The following EPHX4 variants were observed in gnomAD, a reference collection of about 807,000 sequenced individuals.
EPHX4 encodes the protein abhydrolase domain containing 7.
In EPHX4, 31 loss-of-function variants were observed where a neutral mutation model predicts 44.9. The observed-to-expected ratio is 0.69, with a 90% CI of 0.52 to 0.93. The LOEUF is 0.93. Ranked by LOEUF, EPHX4 falls within the 40% of genes least tolerant of loss-of-function variation. The pLI, the probability that EPHX4 is intolerant of heterozygous loss-of-function variation, is 0.00. For missense variants in EPHX4, 373 were observed against 438.1 expected (o/e 0.85, Z 1.33); for synonymous variants, 151 against 159.7 (o/e 0.95, Z 0.41).
At position 92,050,316 on chromosome 1, in the gene EPHX4, G is replaced by T; in HGVS notation, c.605-1G>T. 1 of 1,582,530 alleles carries T rather than the reference G, an allele frequency of 6.3e-7. No individual in the cohort carries two copies. Among genetic ancestry groups the T allele is most frequent in the Non-Finnish European group, 8.6e-7 (1 of 1,157,390 alleles). On this transcript the variant is annotated splice_acceptor_variant, in intron 4 of 6. Coordinates refer to ENST00000370383, the MANE Select transcript of EPHX4 (RefSeq NM_173567.5). LOFTEE classifies it high-confidence loss of function. Reference sequence around the variant, plus strand: ...GGTCTAACATGGCATTTTAATTTCAGAATATATTTTACGACACCCTGCTCA... The same window carrying T: ...GGTCTAACATGGCATTTTAATTTCATAATATATTTTACGACACCCTGCTCA...
At position 92,030,493 on chromosome 1, in the gene EPHX4, A is replaced by T. The variant is rs5010338; in HGVS notation, c.231+183A>T. On this transcript the variant is annotated intron_variant, in intron 1 of 6. Transcript: ENST00000370383. ...GTGTGTGTGTGTGTGTGTGAGAGAG[A>T]GAGAGAGAGAGAGAGATACAGATAA... 0.11 allele frequency among the ~76,000 whole-genome samples: 2,109 copies of T among 19,908 alleles called. 29 individuals are homozygous for T. Among genetic ancestry groups the T allele is most frequent in the Admixed American group, 0.17 (313 of 1,850 alleles). 13.1% of individuals were successfully genotyped at this position (19,908 alleles called of 152,430 possible).
rs1242199732 is a variant in EPHX4, at chr1:92,030,045, C to G, written c.-35C>G. 4 of 1,482,902 alleles carry G rather than the reference C, an allele frequency of 2.7e-6. No homozygotes were observed. The highest frequency in any genetic ancestry group is 2.3e-5 in the Admixed American group (1 of 43,814). 91.9% of individuals were successfully genotyped at this position (1,482,902 alleles called of 1,614,324 possible). On this transcript the variant is annotated 5_prime_UTR_variant, in exon 1 of 7. Coordinates refer to ENST00000370383, the MANE Select transcript of EPHX4 (RefSeq NM_173567.5). Reference sequence around the variant, plus strand: ...GCTGCGGCGCTCGCTCACCCGCTCCCGAGGAAGGGCAGTGGGCCCCGCCGC... The same window carrying G: ...GCTGCGGCGCTCGCTCACCCGCTCCGGAGGAAGGGCAGTGGGCCCCGCCGC...
chr1:92,036,272 C>T (rs1688435502), intron 2 of EPHX4, among the ~76,000 whole-genome samples: 1 of 152,154 alleles, frequency 6.6e-6, no homozygotes. Flanking sequence ...AACCTACAAC[C>T]ACTTTCATAC....
intron 5 of EPHX4, among the ~76,000 whole-genome samples, chr1:92,052,012 AT>A (rs1319023952): frequency 6.6e-6 from 1 of 152,166 alleles, no homozygotes; most frequent in Non-Finnish European, 1.5e-5. Context: ...ATGAATATAT[AT>A]TTGATATATA....
Position 92,030,001 on chromosome 1 carries a change from C to G in EPHX4, c.-79C>G. 9.6e-7 allele frequency: 1 copy of G among 1,038,386 alleles called. No homozygotes were observed. Among genetic ancestry groups the G allele is most frequent in the East Asian group, 3.4e-5 (1 of 29,632 alleles). The allele number at this position is 1,038,386 out of a possible 1,614,324, so 64.3% of individuals were successfully genotyped here. A position where few individuals can be genotyped will look rare whatever the true frequency, so the allele number is the denominator to read the frequency against. ...GGGGGAGGCGCGCGTCGAGAGGCGA[C>G]GGCGGGCTGGCCTGGCGCGCTGCGG... On this transcript the variant is annotated 5_prime_UTR_variant, in exon 1 of 7. Transcript: ENST00000370383.
intron 6 of EPHX4, 63 bp downstream of exon 6, chr1:92,052,721 T>G: frequency 7.8e-6 from 11 of 1,409,046 alleles, no homozygotes; most frequent in Non-Finnish European, 1.0e-5. Context: ...GGGACAATAT[T>G]TTATTTTTAA....
chr1:92,045,665 G>C lies in EPHX4; in HGVS notation c.604+5G>C. The C allele has an allele frequency of 6.2e-7, 1 of 1,613,692 alleles. No homozygotes were observed. The highest frequency in any genetic ancestry group is 1.7e-5 in the Admixed American group (1 of 59,970). ...CTCATCCAAATGTATTTACAGGTGA[G>C]TTCAAGTTTTTATCAAAACAGTTCT... On this transcript the variant is annotated splice_donor_5th_base_variant and intron_variant, in intron 4 of 6. Transcript: ENST00000370383.
chr1:92,043,249 C>T (rs576856660), intron 3 of EPHX4: 4 of 227,672 alleles, frequency 1.8e-5, no homozygotes, highest in African/African-American at 9.2e-5. Context: ...CTGTGGCTTG[C>T]GCCTATAATC....
At chr1:92,035,654 G>A (rs1015953033) in intron 2 of EPHX4, among the ~76,000 whole-genome samples, 1 of 152,240 alleles carries the variant, frequency 6.6e-6, no homozygotes, top group East Asian at 1.9e-4. Flanking sequence ...TGCAGGACAT[G>A]CAGGTTTGTT....
intron 2 of EPHX4, among the ~76,000 whole-genome samples, chr1:92,038,641 A>G (rs557882294): frequency 6.6e-6 from 1 of 152,254 alleles, no homozygotes; most frequent in South Asian, 2.1e-4. Flanking sequence ...CCCAGCTGTA[A>G]TGGAGAGAGC....
In EPHX4 at chr1:92,039,538, G is replaced by T. The variant is rs549619801; in HGVS notation, c.318-3285G>T. 9.8e-5 allele frequency among the ~76,000 whole-genome samples: 15 copies of T among 152,290 alleles called. No homozygotes were observed. In the South Asian group the frequency reaches 2.9e-3, roughly 29 times the overall value. On this transcript the variant is annotated intron_variant, in intron 2 of 6. Transcript: ENST00000370383. ...CAAATCAGAAAAAATACAATCACAT[G>T]TGTTGACAGATGAGTATCTTTAAGG...
Position 92,063,282 on chromosome 1 carries a change from A to G in EPHX4, c.1085A>G (p.Asp362Gly). 10 of 1,584,262 alleles carry G rather than the reference A, an allele frequency of 6.3e-6. No homozygotes were observed. Among genetic ancestry groups the G allele is most frequent in the Non-Finnish European group, 8.6e-6 (10 of 1,161,338 alleles). ...CTAAAAGAAGAAACAAGAAAAAAAG[A>G]TTGACTTTTCTTTATCTTCTATGAA... is the stretch of plus-strand genomic sequence containing the variant. ...TFLKEETRKKD is the reference protein window; with the variant it reads ...TFLKEETRKKG The change falls in exon 7 of 7, where the codon GAT (aspartate) becomes GGT (glycine). Residue 362 changes from aspartate to glycine, a missense_variant. Transcript: ENST00000370383.
chr1:92,058,635 G>A (rs1647423887), intron 6 of EPHX4, among the ~76,000 whole-genome samples: 1 of 151,968 alleles, frequency 6.6e-6, no homozygotes, highest in South Asian at 2.1e-4. Context: ...CTGCTGAAGG[G>A]GTATTTCTGG....
intron 6 of EPHX4, among the ~76,000 whole-genome samples, chr1:92,056,645 CT>C (rs769254066): frequency 3.0e-3 from 414 of 137,852 alleles, no homozygotes; most frequent in East Asian, 3.2e-3. Context: ...ACATTCTTTT[CT>C]TTTTTTTTTT....
chr1:92,054,276 C>A lies in EPHX4; in HGVS notation c.857+1618C>A, dbSNP rs528497907. On this transcript the variant is annotated intron_variant, in intron 6 of 6. Transcript: ENST00000370383. ...CTCACAATATTCCCACAGATGAAGT[C>A]CCCTAAAGATGAGTTCATAATCCAA... is the stretch of plus-strand genomic sequence containing the variant. Among the ~76,000 whole-genome samples, 53 of 152,230 alleles carry A rather than the reference C, an allele frequency of 3.5e-4. 1 individual carries two copies. In the South Asian group the frequency reaches 5.6e-3, roughly 16 times the overall value.
At chr1:92,040,920 C>G (rs1401700205) in intron 2 of EPHX4, among the ~76,000 whole-genome samples, 4 of 152,100 alleles carry the variant, frequency 2.6e-5, no homozygotes, top group African/African-American at 9.7e-5. Context: ...AGACAATGAT[C>G]TCCCACTTGG....
At chr1:92,061,367 CT>C (rs1557887537) in intron 6 of EPHX4, among the ~76,000 whole-genome samples, 2 of 152,094 alleles carry the variant, frequency 1.3e-5, no homozygotes, top group East Asian at 3.8e-4. Context: ...ACAAATCAGG[CT>C]TTTTTATTCA....
chr1:92,030,494 G>A (rs1197626745), intron 1 of EPHX4, among the ~76,000 whole-genome samples, 184 bp downstream of exon 1: 2 of 149,308 alleles, frequency 1.3e-5, no homozygotes, highest in East Asian at 2.0e-4. Context: ...GTGAGAGAGA[G>A]AGAGAGAGAG....
intron 2 of EPHX4, among the ~76,000 whole-genome samples, chr1:92,038,148 G>A (rs998648885): frequency 6.6e-6 from 1 of 152,090 alleles, no homozygotes; most frequent in African/African-American, 2.4e-5. Flanking sequence ...TATTTTTAAG[G>A]CAATTTAAAT....
Sources: allele counts gnomAD v4.1 joint callset (sites outside exome capture counted in the v4.1 genomes callset), GRCh38; gene constraint gnomAD v4.1.1; transcripts MANE v1.5; gene names NCBI Gene and HGNC (gene_info 2026-07-23, HGNC 2026-07-21).